The following CHSY3 variants were observed in gnomAD, a reference collection of about 807,000 sequenced individuals.
The protein encoded by CHSY3 is N-acetylgalactosaminyl-proteoglycan 3-beta-glucuronosyltransferase 3.
A neutral mutation model predicts 67.2 loss-of-function variants in CHSY3; 35 were observed. The ratio of observed to expected loss-of-function variants is 0.52; its 90% CI spans 0.40 to 0.69. CHSY3 has a LOEUF of 0.69. CHSY3 is among the 30% of genes least tolerant of loss of function. The pLI, the probability that CHSY3 is intolerant of heterozygous loss-of-function variation, is 0.00. For synonymous variants in CHSY3, 474 were observed against 434.7 expected (o/e 1.09, Z -1.12); for missense variants, 1,069 against 1,138.5 (o/e 0.94, Z 0.88).
chr5:130,175,704 C>T (rs1770026601), intron 2 of CHSY3, among the ~76,000 whole-genome samples: 1 of 151,516 alleles, frequency 6.6e-6, no homozygotes, highest in East Asian at 1.9e-4. Flanking sequence ...CAATGCCACA[C>T]ATCTACAACC....
intron 2 of CHSY3, among the ~76,000 whole-genome samples, chr5:129,940,129 A>T (rs1033208129): frequency 3.3e-5 from 5 of 152,178 alleles, no homozygotes; most frequent in African/African-American, 1.2e-4. Flanking sequence ...ATATGAGGAC[A>T]CATATTCTCA....
chr5:130,107,767 G>A (rs1285497869), intron 2 of CHSY3, among the ~76,000 whole-genome samples: 1 of 151,468 alleles, frequency 6.6e-6, no homozygotes, highest in African/African-American at 2.4e-5. Context: ...TTAATAATTA[G>A]GTCTAATTAT....
At chr5:130,013,552 G>A (rs1432141933) in intron 2 of CHSY3, among the ~76,000 whole-genome samples, 2 of 152,168 alleles carry the variant, frequency 1.3e-5, no homozygotes, top group Non-Finnish European at 2.9e-5. Context: ...CCACGTGGAG[G>A]CTGCCAAGGC....
intron 1 of CHSY3, among the ~76,000 whole-genome samples, chr5:129,906,290 G>A: frequency 6.6e-6 from 1 of 151,892 alleles, no homozygotes; most frequent in African/African-American, 2.4e-5. Flanking sequence ...TCAGCACCAA[G>A]CCGTCCCCCA....
intron 2 of CHSY3, among the ~76,000 whole-genome samples, chr5:129,958,767 A>C (rs144117492): frequency 1.6e-3 from 246 of 152,210 alleles, no homozygotes; most frequent in African/African-American, 5.5e-3. Flanking sequence ...CCTGGCCTCA[A>C]GTGATCCTCT....
Position 129,905,014 on chromosome 5 carries a change from C to T in CHSY3, c.185C>T (p.Pro62Leu), listed in dbSNP as rs1169697279. ...GGCCCCCGCGCCGGCGCTCAGCAGC[C>T]GCTCCCCCAGCCCCAGTCCCGACCA... ...AAGPRAGAQQ[P>L]LPQPQSRPRQ... Residue 62 changes from proline to leucine, a missense_variant, in exon 1 of 3, where the codon CCG becomes CTG. Around this residue, in one of 5 missense-constraint regions of CHSY3, gnomAD observed 309 missense variants for 262.5 expected, o/e 1.18. Coordinates refer to ENST00000305031, the MANE Select transcript of CHSY3 (RefSeq NM_175856.5). 6.4e-7 allele frequency: 1 copy of T among 1,564,550 alleles called. No individual in the cohort carries two copies. The highest frequency in any genetic ancestry group is 1.8e-5 in the Admixed American group (1 of 56,534).
chr5:129,962,587 C>T (rs1029856871), intron 2 of CHSY3, among the ~76,000 whole-genome samples: 5 of 151,996 alleles, frequency 3.3e-5, no homozygotes, highest in African/African-American at 1.2e-4. Context: ...ACACTCCTTT[C>T]TGTAGCCCAT....
chr5:130,174,287 T>A (rs539374826), intron 2 of CHSY3, among the ~76,000 whole-genome samples: 8 of 151,312 alleles, frequency 5.3e-5, no homozygotes, highest in African/African-American at 1.9e-4. Flanking sequence ...AGTTAGAGGA[T>A]CCTTTCTCGT....
chr5:130,082,973 A>G (rs1046591714), intron 2 of CHSY3, among the ~76,000 whole-genome samples: 1 of 151,852 alleles, frequency 6.6e-6, no homozygotes, highest in African/African-American at 2.4e-5. Context: ...TATATAAAAA[A>G]TCTCACATCC....
At chr5:130,090,203 GGA>G in intron 2 of CHSY3, among the ~76,000 whole-genome samples, 1 of 152,214 alleles carries the variant, frequency 6.6e-6, no homozygotes, top group African/African-American at 2.4e-5. Flanking sequence ...CCTCTCCATT[GGA>G]GAGTTACAAG....
In CHSY3 at chr5:129,989,980, TCAAA is replaced by T. The variant is rs201502762; in HGVS notation, c.1086+81623_1086+81626del. On this transcript the variant is annotated intron_variant, in intron 2 of 2. Coordinates refer to ENST00000305031, the MANE Select transcript of CHSY3 (RefSeq NM_175856.5). ...TCTGTTCCAGTAAAACTTTATTTACTCAAACAGACATTCCAGGAGCTGAGGTTTG... is the reference window on the plus strand; with the variant it reads ...TCTGTTCCAGTAAAACTTTATTTACTCAGACATTCCAGGAGCTGAGGTTTG... Among the ~76,000 whole-genome samples, 545 of 152,260 alleles carry T rather than the reference TCAAA, an allele frequency of 3.6e-3. 3 individuals are homozygous for T. Among genetic ancestry groups the T allele is most frequent in the East Asian group, 0.021 (110 of 5,160 alleles).
At chr5:129,934,759 C>G (rs1417870023) in intron 2 of CHSY3, among the ~76,000 whole-genome samples, 1 of 152,042 alleles carries the variant, frequency 6.6e-6, no homozygotes, top group Non-Finnish European at 1.5e-5. Context: ...ATTTTTATTT[C>G]CAATAGCGGT....
intron 2 of CHSY3, among the ~76,000 whole-genome samples, chr5:130,075,187 T>A (rs939780186): frequency 6.6e-6 from 1 of 152,152 alleles, no homozygotes; most frequent in Admixed American, 6.6e-5. Context: ...GAGGGGTACA[T>A]CCAACTCATT....
At chr5:130,087,102 A>G (rs984734425) in intron 2 of CHSY3, among the ~76,000 whole-genome samples, 2 of 152,108 alleles carry the variant, frequency 1.3e-5, no homozygotes, top group East Asian at 1.9e-4. Context: ...TATAAACAGA[A>G]CCAAAGACAA....
At chr5:130,013,264 A>G (rs76056218) in intron 2 of CHSY3, among the ~76,000 whole-genome samples, 3,227 of 152,178 alleles carry the variant, frequency 0.021, 107 homozygotes, top group African/African-American at 0.071. Context: ...TCACAGGCAC[A>G]TGGTGTAAGC....
intron 2 of CHSY3, among the ~76,000 whole-genome samples, chr5:130,099,493 A>T (rs1327154491): frequency 2.0e-5 from 3 of 152,226 alleles, no homozygotes; most frequent in African/African-American, 7.2e-5. Flanking sequence ...TGACAATGAG[A>T]TGGGAATATC....
intron 2 of CHSY3, among the ~76,000 whole-genome samples, chr5:130,108,325 C>A (rs1260502482): frequency 6.6e-6 from 1 of 151,512 alleles, no homozygotes; most frequent in African/African-American, 2.4e-5. Flanking sequence ...AAAAAATTAT[C>A]CTCCTGCGTT....
At chr5:129,984,406 A>G (rs760004932) in intron 2 of CHSY3, among the ~76,000 whole-genome samples, 5 of 152,048 alleles carry the variant, frequency 3.3e-5, no homozygotes, top group African/African-American at 9.7e-5. Flanking sequence ...TATATGTACC[A>G]TATTTCTTTA....
At chr5:129,942,619 A>C (rs914931273) in intron 2 of CHSY3, among the ~76,000 whole-genome samples, 2 of 152,256 alleles carry the variant, frequency 1.3e-5, no homozygotes, top group Non-Finnish European at 2.9e-5. Context: ...GCCTGAGTGT[A>C]TATTTTATCT....
Sources: allele counts gnomAD v4.1 joint callset (sites outside exome capture counted in the v4.1 genomes callset), GRCh38; gene constraint gnomAD v4.1.1; regional missense constraint gnomAD v4.1.1; transcripts MANE v1.5; gene names NCBI Gene and HGNC (gene_info 2026-07-23, HGNC 2026-07-21).